The following PTPRD variants were observed in gnomAD, a reference collection of about 807,000 sequenced individuals.
PTPRD encodes the protein receptor-type tyrosine-protein phosphatase delta.
Under a neutral mutation model 214.5 loss-of-function variants are expected in PTPRD, and 34 were observed. That is an observed-to-expected ratio of 0.16 (90% confidence interval 0.12 to 0.21). The LOEUF is 0.21. Among genes scored for constraint, PTPRD ranks in the 10% least tolerant of loss-of-function variants. The probability of loss-of-function intolerance (pLI) is 1.00; values close to 1 mark genes in which losing one functional copy is unlikely to be tolerated. For synonymous variants in PTPRD, 1,128 were observed against 845.7 expected, an observed-to-expected ratio of 1.33 and a Z score of -5.79; for missense variants, 2,545 against 2,398.7, an observed-to-expected ratio of 1.06 and a Z score of -1.27.
At chr9:10,544,701 A>T (rs1349038197) in intron 2 of PTPRD, among the ~76,000 whole-genome samples, 1 of 152,166 alleles carries the variant, frequency 6.6e-6, no homozygotes, top group African/African-American at 2.4e-5. Context: ...ATCTGACAAC[A>T]TCCTCTTTTT....
intron 2 of PTPRD, among the ~76,000 whole-genome samples, chr9:10,347,654 C>A (rs2097110089): frequency 6.6e-6 from 1 of 151,984 alleles, no homozygotes; most frequent in South Asian, 2.1e-4. Flanking sequence ...CAGGTGACCA[C>A]CCACCTCAGC....
chr9:10,535,521 T>C (rs1015978238), intron 2 of PTPRD, among the ~76,000 whole-genome samples: 2 of 152,252 alleles, frequency 1.3e-5, no homozygotes, highest in African/African-American at 2.4e-5. Context: ...AAATGCACTT[T>C]GCTAATGGGC....
intron 2 of PTPRD, among the ~76,000 whole-genome samples, chr9:10,532,640 T>C (rs914516766): frequency 1.1e-4 from 16 of 147,802 alleles, no homozygotes; most frequent in Non-Finnish European, 3.0e-5. Flanking sequence ...TATTAGATAT[T>C]TCTAATATAT....
At chr9:10,498,688 T>C (rs970569716) in intron 2 of PTPRD, among the ~76,000 whole-genome samples, 2 of 152,050 alleles carry the variant, frequency 1.3e-5, no homozygotes, top group East Asian at 1.9e-4. Flanking sequence ...ATATTATAAA[T>C]AGCAATTAAG....
At chr9:10,042,351 A>G (rs148254692) in intron 3 of PTPRD, among the ~76,000 whole-genome samples, 5 of 152,102 alleles carry the variant, frequency 3.3e-5, no homozygotes, top group East Asian at 3.9e-4. Flanking sequence ...AGATTAATCT[A>G]TTAAATGCAA....
At chr9:8,866,102 A>T (rs1339905551) in intron 11 of PTPRD, among the ~76,000 whole-genome samples, 1 of 152,202 alleles carries the variant, frequency 6.6e-6, no homozygotes, top group African/African-American at 2.4e-5. Flanking sequence ...AACATATATT[A>T]CTGGAAGTTA....
At chr9:8,452,489 A>G (rs1028208915) in intron 33 of PTPRD, among the ~76,000 whole-genome samples, 1 of 152,234 alleles carries the variant, frequency 6.6e-6, no homozygotes. Context: ...TGTAACTAGT[A>G]ACCTTTTTTC....
rs2098810725 is a variant in PTPRD at position 10,125,465 on chromosome 9, A to ATTATTG, written c.-544-91676_-544-91675insCAATAA. Among the ~76,000 whole-genome samples the ATTATTG allele has an allele frequency of 2.6e-5, 3 of 115,048 alleles. No homozygotes were observed. In the East Asian group the frequency reaches 7.4e-4, roughly 28 times the overall value. The allele number at this position is 115,048 out of a possible 152,430, so 75.5% of individuals were successfully genotyped here. Reference sequence around the variant, plus strand: ...TATTATTATTATTATTATTATTATTATTATTTTGAGACAGCGTCTTGCTCT... The same window carrying ATTATTG: ...TATTATTATTATTATTATTATTATTATTATTGTTATTTTGAGACAGCGTCTTGCTCT... On this transcript the variant is annotated intron_variant, in intron 3 of 45. Coordinates refer to ENST00000381196, the MANE Select transcript of PTPRD (RefSeq NM_002839.4).
chr9:10,518,136 T>C (rs756690300), intron 2 of PTPRD, among the ~76,000 whole-genome samples: 34 of 152,202 alleles, frequency 2.2e-4, no homozygotes, highest in Non-Finnish European at 3.7e-4. Context: ...AGCATTGTTA[T>C]TGAATACCTG....
At chr9:9,071,966 G>A (rs1283538463) in intron 10 of PTPRD, among the ~76,000 whole-genome samples, 3 of 152,034 alleles carry the variant, frequency 2.0e-5, no homozygotes, top group African/African-American at 4.8e-5. Context: ...TTGCAGTCTT[G>A]CTTCACACAT....
chr9:9,746,412 C>G (rs1370573988), intron 6 of PTPRD, among the ~76,000 whole-genome samples: 1 of 152,116 alleles, frequency 6.6e-6, no homozygotes, highest in East Asian at 1.9e-4. Context: ...ATCAGGGGAA[C>G]AAATCTGCAG....
At chr9:10,565,521 A>C (rs2065324584) in intron 2 of PTPRD, among the ~76,000 whole-genome samples, 1 of 152,062 alleles carries the variant, frequency 6.6e-6, no homozygotes, top group Non-Finnish European at 1.5e-5. Flanking sequence ...CCCAACAAAT[A>C]ATTTAGGAGA....
intron 5 of PTPRD, among the ~76,000 whole-genome samples, chr9:9,911,486 G>T (rs755071090): frequency 2.0e-4 from 13 of 65,016 alleles, no homozygotes; most frequent in Admixed American, 4.9e-4. Context: ...ATGGTTTGGG[G>T]TTTGTTACCC....
chr9:10,307,823 C>T (rs2096133307), intron 3 of PTPRD, among the ~76,000 whole-genome samples: 1 of 151,788 alleles, frequency 6.6e-6, no homozygotes, highest in South Asian at 2.1e-4. Flanking sequence ...TTTGGTGATG[C>T]TAAACGCTTT....
intron 30 of PTPRD, among the ~76,000 whole-genome samples, chr9:8,480,578 A>C (rs892641262): frequency 5.3e-5 from 8 of 152,204 alleles, no homozygotes; most frequent in South Asian, 2.1e-4. Flanking sequence ...GAAATAACTG[A>C]TATGTCTATG....
intron 2 of PTPRD, among the ~76,000 whole-genome samples, chr9:10,508,367 C>A (rs529760429): frequency 2.0e-5 from 3 of 152,244 alleles, no homozygotes; most frequent in Admixed American, 1.3e-4. Context: ...ACTAGTTCAA[C>A]CATTGTGGAA....
At chr9:9,105,340 G>A (rs1320640290) in intron 10 of PTPRD, among the ~76,000 whole-genome samples, 2 of 149,592 alleles carry the variant, frequency 1.3e-5, no homozygotes, top group African/African-American at 2.5e-5. Context: ...TGATTTTGTT[G>A]ATTCTCTCTT....
intron 12 of PTPRD, among the ~76,000 whole-genome samples, chr9:8,684,774 T>G (rs142728080): frequency 1.3e-5 from 2 of 152,272 alleles, no homozygotes; most frequent in East Asian, 3.9e-4. Context: ...GGGTTACAGA[T>G]TGCACTTTGA....
At position 9,925,025 on chromosome 9, in the gene PTPRD, C is replaced by A. The variant is rs187667532; in HGVS notation, c.-368+13482G>T. On this transcript the variant is annotated intron_variant, in intron 5 of 45. Transcript: ENST00000381196. ...AAATAGTCAATACCGAGTAGCAATA[C>A]CTTTGACTTTAGCAGCTGGTATATA... Among the ~76,000 whole-genome samples the A allele has an allele frequency of 2.9e-3, 435 of 152,130 alleles. 2 individuals are homozygous for A. Among genetic ancestry groups the A allele is most frequent in the African/African-American group, 9.8e-3 (408 of 41,520 alleles).
Sources: gnomAD v4.1 joint callset for allele counts (sites outside exome capture counted in the v4.1 genomes callset) on GRCh38, gnomAD v4.1.1 for gene constraint, MANE v1.5 for transcripts, NCBI Gene and HGNC (gene_info 2026-07-23, HGNC 2026-07-21) for gene names.